The following PELI1 variants were observed in gnomAD, a reference collection of about 807,000 sequenced individuals.
The protein encoded by PELI1 is pellino E3 ubiquitin protein ligase 1, also known as E3 ubiquitin-protein ligase pellino homolog 1.
PELI1 carries 15 observed loss-of-function variants against 41.3 expected under a neutral mutation model. The observed-to-expected ratio is 0.36, with a 90% CI of 0.24 to 0.56. The LOEUF (loss-of-function observed/expected upper bound fraction) is 0.56, where lower values mean the gene tolerates loss of function less well. PELI1 is among the 20% of genes least tolerant of loss of function. The pLI is 0.82. For synonymous variants in PELI1, 178 were observed against 180.1 expected (o/e 0.99, Z 0.09); for missense variants, 403 against 525.5 (o/e 0.77, Z 2.28).
chr2:64,117,615 A>T (rs1681041552), intron 1 of PELI1, among the ~76,000 whole-genome samples: 1 of 152,186 alleles, frequency 6.6e-6, no homozygotes, highest in Non-Finnish European at 1.5e-5. Flanking sequence ...TGAAAATTCA[A>T]ATTACAAATA....
chr2:64,124,165 G>A (rs983383367), intron 1 of PELI1, among the ~76,000 whole-genome samples: 4 of 152,136 alleles, frequency 2.6e-5, no homozygotes, highest in African/African-American at 9.7e-5. Context: ...GGAAATTGGG[G>A]AATGATAGCT....
intron 3 of PELI1, among the ~76,000 whole-genome samples, 181 bp from the exon 4 acceptor site, chr2:64,100,680 G>GAA (rs1576071285): frequency 6.6e-6 from 1 of 152,162 alleles, no homozygotes; most frequent in East Asian, 1.9e-4. Context: ...CGGGTTGAAT[G>GAA]GGGTACTGAA....
At chr2:64,144,007 G>A (rs1310503242) in intron 1 of PELI1, 74 bp downstream of exon 1, 2 of 151,524 alleles carry the variant, frequency 1.3e-5, no homozygotes, top group African/African-American at 4.8e-5. Context: ...CGAGGAAGTT[G>A]CGCGCCCGCC....
At chr2:64,124,806 A>G (rs527338258) in intron 1 of PELI1, among the ~76,000 whole-genome samples, 83 of 152,282 alleles carry the variant, frequency 5.5e-4, no homozygotes, top group African/African-American at 2.0e-3. Context: ...CAGTTCTGAC[A>G]CTATTATCTA....
intron 1 of PELI1, among the ~76,000 whole-genome samples, chr2:64,132,961 A>G (rs1192219649): frequency 6.6e-6 from 1 of 152,186 alleles, no homozygotes; most frequent in Non-Finnish European, 1.5e-5. Context: ...GTCTGATACC[A>G]TTACAATAGA....
chr2:64,100,630 G>C (rs1308920745), intron 3 of PELI1, 131 bp from the exon 4 acceptor site: 1 of 673,308 alleles, frequency 1.5e-6, no homozygotes, highest in East Asian at 2.7e-5. Flanking sequence ...CTGAAATTTA[G>C]AGAGGTTAAT....
At position 64,107,734 on chromosome 2, in the gene PELI1, G is replaced by C. The variant is rs545248962; in HGVS notation, c.71+506C>G. ...ACTCTGTTGCCCAGGCTGGAGTGCA[G>C]TGGCGCGATCTCAGCTCACTGCAAC... On this transcript the variant is annotated intron_variant, in intron 2 of 6. Transcript: ENST00000358912. Among the ~76,000 whole-genome samples the C allele has an allele frequency of 8.6e-5, 13 of 151,754 alleles. 1 individual carries two copies. In the South Asian group the frequency reaches 1.2e-3, roughly 15 times the overall value.
At chr2:64,099,807 C>G (rs1680363993) in intron 4 of PELI1, among the ~76,000 whole-genome samples, 1 of 150,552 alleles carries the variant, frequency 6.6e-6, no homozygotes, top group Non-Finnish European at 1.5e-5. Flanking sequence ...GTCCTAAAAT[C>G]TATCAGTTTA....
intron 1 of PELI1, chr2:64,143,239 T>A (rs1363613707): frequency 6.6e-6 from 1 of 152,214 alleles, no homozygotes; most frequent in Non-Finnish European, 1.5e-5. Context: ...ACTCGGAGCA[T>A]TTTTCACTAA....
intron 1 of PELI1, among the ~76,000 whole-genome samples, chr2:64,131,258 T>G (rs540491791): frequency 6.6e-6 from 1 of 151,994 alleles, no homozygotes; most frequent in African/African-American, 2.4e-5. Context: ...TTTTAAATTT[T>G]GATATATTCT....
chr2:64,104,723 G>A lies in PELI1; in HGVS notation c.179C>T (p.Ala60Val). The change falls in exon 3 of 7, where the codon GCT becomes GTT. Residue 60 changes from alanine (A) to valine (V), a missense_variant. Ala to Val is a moderately conservative substitution (Grantham distance 64). Coordinates refer to ENST00000358912, the MANE Select transcript of PELI1 (RefSeq NM_020651.4). Reference sequence around the variant, plus strand: ...TACCTTTGCAGCCTGAGGAGTACAAGCAATATGCACAGTGCTGGGCTTCAC... The same window carrying A: ...TACCTTTGCAGCCTGAGGAGTACAAACAATATGCACAGTGCTGGGCTTCAC... ...NGVKPSTVHI[A>V]CTPQAAKAIS... 6.3e-7 allele frequency: 1 copy of A among 1,595,790 alleles called. No individual in the cohort carries two copies. The highest frequency in any genetic ancestry group is 8.5e-7 in the Non-Finnish European group (1 of 1,172,824).
intron 1 of PELI1, among the ~76,000 whole-genome samples, chr2:64,119,962 G>C (rs1256692364): frequency 6.6e-6 from 1 of 152,160 alleles, no homozygotes; most frequent in Non-Finnish European, 1.5e-5. Flanking sequence ...GCACTATTAA[G>C]TGAAACTGAT....
At chr2:64,132,578 C>T (rs1187734136) in intron 1 of PELI1, among the ~76,000 whole-genome samples, 1 of 152,120 alleles carries the variant, frequency 6.6e-6, no homozygotes, top group Non-Finnish European at 1.5e-5. Context: ...TTAGCTTTAA[C>T]TTGAATGACC....
chr2:64,143,888 T>G (rs1438800248), intron 1 of PELI1, among the ~76,000 whole-genome samples, 193 bp downstream of exon 1: 1 of 151,482 alleles, frequency 6.6e-6, no homozygotes, highest in African/African-American at 2.4e-5. Flanking sequence ...ACAAAGGCGC[T>G]TCCTCGAGCC....
intron 1 of PELI1, among the ~76,000 whole-genome samples, chr2:64,139,817 A>C (rs1419492081): frequency 6.6e-6 from 1 of 152,176 alleles, no homozygotes; most frequent in Non-Finnish European, 1.5e-5. Context: ...TTTCCTGCTA[A>C]GTTTGAACAA....
chr2:64,128,859 T>G (rs1231754597), intron 1 of PELI1, among the ~76,000 whole-genome samples: 2 of 152,186 alleles, frequency 1.3e-5, no homozygotes, highest in African/African-American at 4.8e-5. Context: ...GAAATTCAAA[T>G]GAGATCCTAA....
intron 1 of PELI1, among the ~76,000 whole-genome samples, chr2:64,113,948 A>C (rs997276076): frequency 1.3e-5 from 2 of 152,106 alleles, no homozygotes; most frequent in African/African-American, 4.8e-5. Context: ...ACTACCTACT[A>C]AACACAAGTA....
Position 64,096,597 on chromosome 2 carries a change from G to C in PELI1, c.317C>G (p.Thr106Ser), listed in dbSNP as rs1680246629. 2 of 1,609,168 alleles carry C rather than the reference G, an allele frequency of 1.2e-6. No individual in the cohort carries two copies. Among genetic ancestry groups the C allele is most frequent in the African/African-American group, 1.3e-5 (1 of 74,482 alleles). The change falls in exon 5 of 7, where the codon ACT becomes AGT. Residue 106 changes from threonine to serine, a missense_variant. Physicochemically the swap from Thr to Ser is moderately conservative, Grantham distance 58. Coordinates refer to ENST00000358912, the MANE Select transcript of PELI1 (RefSeq NM_020651.4). ...TACTACAAAATCAATGGGGCTTTCAGTCGACCGGCCAATCTGAGGGAAAAA... is the reference window on the plus strand; with the variant it reads ...TACTACAAAATCAATGGGGCTTTCACTCGACCGGCCAATCTGAGGGAAAAA... ...NTDMFQIGRS[T>S]ESPIDFVVTD...
chr2:64,141,980 G>C (rs1302559419), intron 1 of PELI1, among the ~76,000 whole-genome samples: 1 of 152,108 alleles, frequency 6.6e-6, no homozygotes, highest in Non-Finnish European at 1.5e-5. Context: ...CCAACTGTAA[G>C]AACATTTAAA....
Sources: allele counts gnomAD v4.1 joint callset (sites outside exome capture counted in the v4.1 genomes callset), GRCh38; gene constraint gnomAD v4.1.1; transcripts MANE v1.5; gene names NCBI Gene and HGNC (gene_info 2026-07-23, HGNC 2026-07-21).